Variants in ACVR1 observed in about 807,000 individuals in gnomAD.
The protein encoded by ACVR1 is activin A receptor type 1, also known as activin receptor type-1.
A neutral mutation model predicts 57.1 loss-of-function variants in ACVR1; 38 were observed. That is an observed-to-expected ratio of 0.67 (90% CI 0.51 to 0.87). The LOEUF is 0.87. Ranked by LOEUF, ACVR1 falls within the 40% of genes least tolerant of loss-of-function variation. The pLI is 0.00. For synonymous variants in ACVR1, 212 were observed against 228.1 expected, an observed-to-expected ratio of 0.93 and a Z score of 0.63; for missense variants, 463 against 638.2, an observed-to-expected ratio of 0.73 and a Z score of 2.96.
chr2:157,835,362 TAAGA>T (rs924442349), intron 1 of ACVR1, among the ~76,000 whole-genome samples: 1 of 152,206 alleles, frequency 6.6e-6, no homozygotes, highest in Non-Finnish European at 1.5e-5. Flanking sequence ...AGAATTATCC[TAAGA>T]ATTAAATGAG....
chr2:157,801,770 T>G (rs1007383361), intron 2 of ACVR1, among the ~76,000 whole-genome samples: 1 of 152,176 alleles, frequency 6.6e-6, no homozygotes, highest in African/African-American at 2.4e-5. Flanking sequence ...AATTTACACA[T>G]TGAGGGTGCA....
At chr2:157,757,788 A>G (rs1186484645) in intron 9 of ACVR1, among the ~76,000 whole-genome samples, 1 of 151,926 alleles carries the variant, frequency 6.6e-6, no homozygotes, top group African/African-American at 2.4e-5. Flanking sequence ...TGCCATCACA[A>G]AAAGACATGA....
Position 157,757,760 on chromosome 2 carries a change from C to T in ACVR1, c.1264+3120G>A, listed in dbSNP as rs1002250954. On this transcript the variant is annotated intron_variant, in intron 9 of 10. Coordinates refer to ENST00000434821, the MANE Select transcript of ACVR1 (RefSeq NM_001111067.4). ...CCTACAAGAAACACATAAGGAAATG[C>T]TATATCTGGGTGATATATGCCATCA... Among the ~76,000 whole-genome samples the T allele has an allele frequency of 5.3e-5, 8 of 151,752 alleles. 1 individual carries two copies. In the South Asian group the frequency reaches 6.2e-4, roughly 12 times the overall value.
At chr2:157,854,812 T>C (rs1204574238) in intron 1 of ACVR1, among the ~76,000 whole-genome samples, 3 of 151,380 alleles carry the variant, frequency 2.0e-5, no homozygotes, top group Non-Finnish European at 4.4e-5. Flanking sequence ...GGCTGAGGTG[T>C]GTGGATCACA....
chr2:157,753,443 G>A (rs769368026), intron 9 of ACVR1, among the ~76,000 whole-genome samples: 1 of 152,088 alleles, frequency 6.6e-6, no homozygotes, highest in African/African-American at 2.4e-5. Flanking sequence ...CAGGAGAATC[G>A]CTTGAATCTG....
At chr2:157,766,336 T>A in intron 7 of ACVR1, 140 bp from the exon 8 acceptor site, 3 of 838,146 alleles carry the variant, frequency 3.6e-6, no homozygotes, top group Non-Finnish European at 1.9e-6. Flanking sequence ...AGAGGAGGTT[T>A]ACAGAAGCAT....
chr2:157,809,525 G>A (rs1053046439), intron 2 of ACVR1, among the ~76,000 whole-genome samples: 1 of 152,108 alleles, frequency 6.6e-6, no homozygotes, highest in African/African-American at 2.4e-5. Flanking sequence ...ACAAGGAGGA[G>A]ACAGGGAGAG....
At chr2:157,784,800 G>A (rs1354615905) in intron 3 of ACVR1, among the ~76,000 whole-genome samples, 1 of 152,366 alleles carries the variant, frequency 6.6e-6, no homozygotes, top group East Asian at 1.9e-4. Context: ...ATGATCCTCA[G>A]TTCACCACCT....
chr2:157,780,347 C>A lies in ACVR1; in HGVS notation c.321G>T (p.Leu107=), dbSNP rs1046898934. 3 of 1,614,076 alleles carry A rather than the reference C, an allele frequency of 1.9e-6. No homozygotes were observed. In the African/African-American group the frequency reaches 4.0e-5, roughly 22 times the overall value. The change falls in exon 4 of 11, where the codon CTG becomes CTT. Residue 107 remains leucine (L), a synonymous_variant. Coordinates refer to ENST00000434821, the MANE Select transcript of ACVR1 (RefSeq NM_001111067.4). ...AAAGTCCATGGGAACCTTTAGTGGG[C>A]AGCTGGGCCGTGATGTTCCTGTTAC... ...DWCNRNITAQ[L]PTKGKSFPGT...
At chr2:157,801,321 G>C (rs1299026155) in intron 2 of ACVR1, among the ~76,000 whole-genome samples, 1 of 152,286 alleles carries the variant, frequency 6.6e-6, no homozygotes, top group African/African-American at 2.4e-5. Context: ...GTCCGTTCAA[G>C]TGGAATTACA....
At chr2:157,865,506 G>C (rs1689882440) in intron 1 of ACVR1, among the ~76,000 whole-genome samples, 1 of 152,164 alleles carries the variant, frequency 6.6e-6, no homozygotes, top group African/African-American at 2.4e-5. Flanking sequence ...TAGACAGACA[G>C]ATAGGCAGGG....
chr2:157,766,327 G>A, intron 7 of ACVR1, 131 bp from the exon 8 acceptor site: 1 of 926,446 alleles, frequency 1.1e-6, no homozygotes, highest in Non-Finnish European at 1.7e-6. Context: ...ATTGCCCTAA[G>A]AGGAGGTTTA....
chr2:157,753,399 G>A (rs1291162038), intron 9 of ACVR1, among the ~76,000 whole-genome samples: 3 of 152,040 alleles, frequency 2.0e-5, no homozygotes, highest in African/African-American at 7.2e-5. Context: ...GTGGTGGTGG[G>A]TGCCTATAAT....
At chr2:157,795,773 T>C (rs1687089741) in intron 3 of ACVR1, among the ~76,000 whole-genome samples, 1 of 152,168 alleles carries the variant, frequency 6.6e-6, no homozygotes, top group Non-Finnish European at 1.5e-5. Flanking sequence ...TTATTAGCAT[T>C]GCTCCATAAC....
intron 3 of ACVR1, among the ~76,000 whole-genome samples, chr2:157,792,813 A>G (rs527571450): frequency 7.9e-4 from 121 of 152,348 alleles, no homozygotes; most frequent in African/African-American, 2.7e-3. Context: ...GGCACTATCT[A>G]TGCAGTGGGT....
chr2:157,822,901 T>G (rs1020042219), intron 1 of ACVR1, among the ~76,000 whole-genome samples: 1 of 152,228 alleles, frequency 6.6e-6, no homozygotes, highest in Non-Finnish European at 1.5e-5. Flanking sequence ...ACAAGCAAAT[T>G]AACAGTACTA....
chr2:157,833,961 A>C (rs1475613444), intron 1 of ACVR1, among the ~76,000 whole-genome samples: 1 of 152,202 alleles, frequency 6.6e-6, no homozygotes, highest in Admixed American at 6.5e-5. Context: ...GCATGAATTC[A>C]ACTGAGTCTC....
At position 157,766,160 on chromosome 2, in the gene ACVR1, C is replaced by T. The variant is rs1260691632; in HGVS notation, c.827G>A (p.Ser276Asn). Reference protein sequence around the residue: ...IASDMTSRHSSTQLWLITHYH... With the variant: ...IASDMTSRHSNTQLWLITHYH... ...ATGTGTAATTAACCACAGCTGGGTA[C>T]TGGAGTGTCTTGATGTCATGTCTGA... The change falls in exon 8 of 11, where the codon AGT (serine) becomes AAT (asparagine). Residue 276 changes from serine to asparagine, a missense_variant. Ser to Asn is a conservative substitution (Grantham distance 46, BLOSUM62 1). Around this residue, in one of 3 missense-constraint regions of ACVR1, gnomAD observed 114 missense variants for 216.2 expected, o/e 0.53. Transcript: ENST00000434821. 17 of 1,613,920 alleles carry T rather than the reference C, an allele frequency of 1.1e-5. No homozygotes were observed. The highest frequency in any genetic ancestry group is 1.4e-5 in the Non-Finnish European group (16 of 1,179,998).
chr2:157,874,779 C>T (rs1690224514), intron 1 of ACVR1: 1 of 152,076 alleles, frequency 6.6e-6, no homozygotes, highest in Admixed American at 6.6e-5. Flanking sequence ...TGGAACGGGC[C>T]CCTTTGCCCA....
Sources: gnomAD v4.1 joint callset for allele counts (sites outside exome capture counted in the v4.1 genomes callset) on GRCh38, gnomAD v4.1.1 for gene constraint, gnomAD v4.1.1 regional missense constraint, MANE v1.5 for transcripts, NCBI Gene and HGNC (gene_info 2026-07-23, HGNC 2026-07-21) for gene names.